Variants in TAFA2 observed in about 807,000 individuals in gnomAD.
The protein encoded by TAFA2 is TAFA chemokine like family member 2, also known as chemokine-like protein TAFA-2.
TAFA2 carries 7 observed loss-of-function variants against 18.8 expected under a neutral mutation model. That is an observed-to-expected ratio of 0.37 (90% CI 0.21 to 0.70). The LOEUF (loss-of-function observed/expected upper bound fraction) is 0.70, where lower values mean the gene tolerates loss of function less well. Among genes scored for constraint, TAFA2 ranks in the 30% least tolerant of loss-of-function variants. The pLI is 0.53. For synonymous variants in TAFA2, 60 were observed against 54.2 expected, an observed-to-expected ratio of 1.11 and a Z score of -0.47; for missense variants, 122 against 158.1, an observed-to-expected ratio of 0.77 and a Z score of 1.23.
At chr12:61,750,537 A>G (rs1868961548) in intron 4 of TAFA2, among the ~76,000 whole-genome samples, 1 of 152,250 alleles carries the variant, frequency 6.6e-6, no homozygotes, top group Non-Finnish European at 1.5e-5. Flanking sequence ...AGAAAAACAG[A>G]AGAAGAGTAT....
chr12:62,183,266 G>A (rs1342244714), intron 1 of TAFA2, among the ~76,000 whole-genome samples: 2 of 152,190 alleles, frequency 1.3e-5, no homozygotes, highest in African/African-American at 4.8e-5. Flanking sequence ...TACAAGCCAG[G>A]AAGATGACCT....
At chr12:61,746,898 A>G (rs1565618982) in intron 4 of TAFA2, among the ~76,000 whole-genome samples, 1 of 152,292 alleles carries the variant, frequency 6.6e-6, no homozygotes, top group South Asian at 2.1e-4. Context: ...GCTTCTGCAC[A>G]GCAAAAGAAA....
chr12:62,181,484 C>T (rs568570454), intron 1 of TAFA2, among the ~76,000 whole-genome samples: 4 of 152,252 alleles, frequency 2.6e-5, no homozygotes, highest in African/African-American at 9.6e-5. Context: ...AACTTGTAAA[C>T]ACTTAGAAGA....
intron 2 of TAFA2, among the ~76,000 whole-genome samples, chr12:61,864,991 C>T (rs1440140571): frequency 2.0e-5 from 3 of 152,032 alleles, no homozygotes; most frequent in Non-Finnish European, 4.4e-5. Context: ...AAGCCTTAAC[C>T]CTGATGAAAG....
chr12:61,824,803 T>G (rs991473418), intron 2 of TAFA2, among the ~76,000 whole-genome samples: 1 of 152,172 alleles, frequency 6.6e-6, no homozygotes, highest in Non-Finnish European at 1.5e-5. Context: ...AAATAAGACA[T>G]GGTTACTGCC....
At chr12:62,095,257 G>T (rs1023285288) in intron 1 of TAFA2, among the ~76,000 whole-genome samples, 3 of 152,120 alleles carry the variant, frequency 2.0e-5, no homozygotes, top group Non-Finnish European at 4.4e-5. Context: ...AGGCACTCAG[G>T]CTGCAAGTGA....
intron 2 of TAFA2, among the ~76,000 whole-genome samples, chr12:61,861,634 G>T (rs115153057): frequency 0.023 from 3,436 of 152,134 alleles, 112 homozygotes; most frequent in African/African-American, 0.077. Context: ...CGGATAGTTG[G>T]TTGGATAAAT....
At chr12:61,923,153 C>T (rs754839693) in intron 1 of TAFA2, among the ~76,000 whole-genome samples, 35 of 152,174 alleles carry the variant, frequency 2.3e-4, no homozygotes, top group African/African-American at 7.7e-4. Flanking sequence ...GGGGAAGAGG[C>T]GGCTGTAGGT....
chr12:61,859,580 A>T (rs1874038940), intron 2 of TAFA2, among the ~76,000 whole-genome samples: 1 of 152,120 alleles, frequency 6.6e-6, no homozygotes, highest in Non-Finnish European at 1.5e-5. Flanking sequence ...AGTAGCTGGG[A>T]CTACAGGCAT....
intron 1 of TAFA2, among the ~76,000 whole-genome samples, chr12:62,094,985 G>T (rs1445431950): frequency 6.6e-6 from 1 of 152,054 alleles, no homozygotes; most frequent in East Asian, 1.9e-4. Context: ...CTTCTAAATT[G>T]TTCAGTTTTT....
intron 2 of TAFA2, among the ~76,000 whole-genome samples, chr12:61,865,545 C>T (rs1316062235): frequency 6.6e-6 from 1 of 152,026 alleles, no homozygotes; most frequent in African/African-American, 2.4e-5. Context: ...TGTAATGTAC[C>T]AGCTCTGACC....
At chr12:61,746,819 A>T (rs1164791878) in intron 4 of TAFA2, among the ~76,000 whole-genome samples, 4 of 152,146 alleles carry the variant, frequency 2.6e-5, no homozygotes. Context: ...AGGAGGCAAT[A>T]AAGACTTTTT....
At chr12:62,100,576 G>C (rs1050412298) in intron 1 of TAFA2, among the ~76,000 whole-genome samples, 1 of 152,082 alleles carries the variant, frequency 6.6e-6, no homozygotes, top group African/African-American at 2.4e-5. Context: ...TGAAAATCTT[G>C]TTATAGCCTA....
chr12:62,237,436 T>C (rs2062843233), intron 1 of TAFA2, among the ~76,000 whole-genome samples: 1 of 152,246 alleles, frequency 6.6e-6, no homozygotes, highest in Admixed American at 6.5e-5. Flanking sequence ...ATTTATATAT[T>C]GTTTTGCTGT....
At chr12:62,205,611 T>A (rs1203169188) in intron 1 of TAFA2, among the ~76,000 whole-genome samples, 2 of 152,184 alleles carry the variant, frequency 1.3e-5, no homozygotes, top group South Asian at 2.1e-4. Flanking sequence ...CTGGCCATGA[T>A]CTGCCACAGC....
intron 1 of TAFA2, among the ~76,000 whole-genome samples, chr12:62,072,670 C>A (rs749837199): frequency 2.0e-5 from 3 of 151,980 alleles, no homozygotes; most frequent in Non-Finnish European, 4.4e-5. Flanking sequence ...TAGTCCCAGC[C>A]AGCTACTTGG....
chr12:61,805,876 T>G (rs1871589900), intron 2 of TAFA2, among the ~76,000 whole-genome samples: 3 of 152,108 alleles, frequency 2.0e-5, no homozygotes. Context: ...CTTGATGAAA[T>G]TAACAAATTA....
chr12:61,804,191 TA>T (rs1422305391), intron 2 of TAFA2, among the ~76,000 whole-genome samples: 1 of 152,018 alleles, frequency 6.6e-6, no homozygotes, highest in Non-Finnish European at 1.5e-5. Context: ...TCCTATACTT[TA>T]AAAGAACTTC....
chr12:61,907,272 G>T (rs12301570), intron 1 of TAFA2, among the ~76,000 whole-genome samples: 4,006 of 152,238 alleles, frequency 0.026, 218 homozygotes, highest in African/African-American at 0.092. Context: ...TAATTCTGTG[G>T]GCTGGGCCCA....
Sources: gnomAD v4.1 joint callset for allele counts (sites outside exome capture counted in the v4.1 genomes callset) on GRCh38, gnomAD v4.1.1 for gene constraint, MANE v1.5 for transcripts, NCBI Gene and HGNC (gene_info 2026-07-23, HGNC 2026-07-21) for gene names.